The following MTUS1 variants were observed in gnomAD, a reference collection of about 807,000 sequenced individuals.
MTUS1 encodes microtubule-associated tumor suppressor 1.
A neutral mutation model predicts 120.8 loss-of-function variants in MTUS1; 109 were observed. The observed-to-expected ratio is 0.90, with a 90% CI of 0.77 to 1.06. The LOEUF is 1.06. Among genes scored for constraint, MTUS1 ranks in the 50% least tolerant of loss-of-function variants. MTUS1 has a pLI of 0.00. For missense variants in MTUS1, 2,210 were observed against 1,486.3 expected, an observed-to-expected ratio of 1.49 and a Z score of -8.01; for synonymous variants, 737 against 550.5, an observed-to-expected ratio of 1.34 and a Z score of -4.74.
intron 1 of MTUS1, among the ~76,000 whole-genome samples, chr8:17,783,369 C>G (rs1036174040): frequency 6.6e-6 from 1 of 152,128 alleles, no homozygotes; most frequent in Non-Finnish European, 1.5e-5. Flanking sequence ...CATGGACCAG[C>G]CAAGTTCCCT....
intron 1 of MTUS1, among the ~76,000 whole-genome samples, chr8:17,798,911 C>A (rs1281997373): frequency 2.6e-5 from 4 of 152,044 alleles, no homozygotes; most frequent in Non-Finnish European, 1.5e-5. Flanking sequence ...CATCAAATTT[C>A]AAAATGGAAA....
chr8:17,716,078 G>A (rs565670750), intron 4 of MTUS1, among the ~76,000 whole-genome samples, 177 bp from the exon 5 acceptor site: 62 of 152,292 alleles, frequency 4.1e-4, no homozygotes, highest in African/African-American at 1.3e-3. Flanking sequence ...TCAGGGATGC[G>A]AAATAAAGGC....
In MTUS1 at chr8:17,658,013, C is replaced by T. The variant is rs1231432626; in HGVS notation, c.2906-1948G>A. Reference sequence around the variant, plus strand: ...TAATACATATATACACATATATACACTATATATATAGACACACACACACAC... The same window carrying T: ...TAATACATATATACACATATATACATTATATATATAGACACACACACACAC... On this transcript the variant is annotated intron_variant, in intron 8 of 14. Transcript: ENST00000693296. 4.6e-5 allele frequency among the ~76,000 whole-genome samples: 4 copies of T among 87,352 alleles called. No individual in the cohort carries two copies. In the East Asian group the frequency reaches 9.6e-4, roughly 21 times the overall value. The allele number at this position is 87,352 out of a possible 152,430, so 57.3% of individuals were successfully genotyped here. A position where few individuals can be genotyped will look rare whatever the true frequency, so the allele number is the denominator to read the frequency against.
At chr8:17,776,687 A>AG (rs1332923082) in intron 1 of MTUS1, among the ~76,000 whole-genome samples, 1 of 149,790 alleles carries the variant, frequency 6.7e-6, no homozygotes, top group Non-Finnish European at 1.5e-5. Flanking sequence ...TCAAAAAAAA[A>AG]AAAAAAAAAA....
At chr8:17,685,721 G>C (rs375672244) in intron 6 of MTUS1, among the ~76,000 whole-genome samples, 2 of 152,228 alleles carry the variant, frequency 1.3e-5, no homozygotes, top group African/African-American at 4.8e-5. Context: ...ATTTTCTATG[G>C]CTGCATTACA....
intron 6 of MTUS1, among the ~76,000 whole-genome samples, chr8:17,689,992 A>C (rs1234682064): frequency 1.3e-5 from 2 of 152,244 alleles, no homozygotes. Flanking sequence ...CTAAGATCTC[A>C]AAAGCAAATG....
intron 8 of MTUS1, among the ~76,000 whole-genome samples, chr8:17,661,989 A>T (rs531625120): frequency 6.6e-6 from 1 of 152,178 alleles, no homozygotes; most frequent in South Asian, 2.1e-4. Flanking sequence ...TAAAGGATGC[A>T]CATGTAAACG....
chr8:17,723,904 A>C, intron 3 of MTUS1, 71 bp from the exon 4 acceptor site: 1 of 1,292,508 alleles, frequency 7.7e-7, no homozygotes, highest in African/African-American at 1.5e-5. Flanking sequence ...TTAAGCCTGT[A>C]AACTCAAACT....
chr8:17,723,654 G>C lies in MTUS1; in HGVS notation c.2449+18C>G. 3 of 1,601,600 alleles carry C rather than the reference G, an allele frequency of 1.9e-6. No individual in the cohort carries two copies. Among genetic ancestry groups the C allele is most frequent in the Non-Finnish European group, 2.6e-6 (3 of 1,169,136 alleles). On this transcript the variant is annotated intron_variant, in intron 4 of 14. Coordinates refer to ENST00000693296, the MANE Select transcript of MTUS1 (RefSeq NM_001363059.2). ...ACTGTTTCCACAACCCCCGAAGTGTGATATAAAGTCGACTTACAATTGTTG... is the reference window on the plus strand; with the variant it reads ...ACTGTTTCCACAACCCCCGAAGTGTCATATAAAGTCGACTTACAATTGTTG...
intron 1 of MTUS1, among the ~76,000 whole-genome samples, chr8:17,800,132 T>C (rs2052563388): frequency 6.6e-6 from 1 of 152,186 alleles, no homozygotes; most frequent in Non-Finnish European, 1.5e-5. Flanking sequence ...TATACCCTCC[T>C]TAAAGAGGTC....
At chr8:17,768,489 T>C (rs1031089444) in intron 1 of MTUS1, among the ~76,000 whole-genome samples, 1 of 151,732 alleles carries the variant, frequency 6.6e-6, no homozygotes, top group Non-Finnish European at 1.5e-5. Flanking sequence ...GAAAATCATA[T>C]ACAACAAAGA....
At chr8:17,738,656 C>A (rs910142473) in intron 3 of MTUS1, among the ~76,000 whole-genome samples, 1 of 152,100 alleles carries the variant, frequency 6.6e-6, no homozygotes, top group Non-Finnish European at 1.5e-5. Context: ...ACTTCACCTA[C>A]CAAACCATCA....
At chr8:17,721,992 AGGG>A in intron 4 of MTUS1, 1 of 1,376,390 alleles carries the variant, frequency 7.3e-7, no homozygotes, top group Non-Finnish European at 9.4e-7. Context: ...ATTCGAATGG[AGGG>A]AAAAAAAAAA....
chr8:17,799,194 T>C lies in MTUS1; in HGVS notation c.-155+1867A>G, dbSNP rs562771236. 1.1e-4 allele frequency among the ~76,000 whole-genome samples: 17 copies of C among 152,304 alleles called. No individual in the cohort carries two copies. The Middle Eastern group carries it at 0.01, about 91-fold the overall frequency. On this transcript the variant is annotated intron_variant, in intron 1 of 14. Coordinates refer to ENST00000693296, the MANE Select transcript of MTUS1 (RefSeq NM_001363059.2). ...AACTGTATTTCAAGGGCACTAAGGA[T>C]ATTAACCCTGCACATAAAGTTTTAA... is the stretch of plus-strand genomic sequence containing the variant.
At chr8:17,784,664 T>C (rs1010776912) in intron 1 of MTUS1, among the ~76,000 whole-genome samples, 4 of 152,200 alleles carry the variant, frequency 2.6e-5, no homozygotes, top group African/African-American at 9.7e-5. Flanking sequence ...AAGAGAGGAA[T>C]GTATACAATA....
At chr8:17,729,388 T>A (rs574105620) in intron 3 of MTUS1, among the ~76,000 whole-genome samples, 58 of 152,184 alleles carry the variant, frequency 3.8e-4, no homozygotes, top group Non-Finnish European at 7.9e-4. Flanking sequence ...AGTATCACTG[T>A]ATAAATATTA....
At chr8:17,659,603 C>T (rs1354104473) in intron 8 of MTUS1, among the ~76,000 whole-genome samples, 1 of 152,082 alleles carries the variant, frequency 6.6e-6, no homozygotes, top group Non-Finnish European at 1.5e-5. Context: ...CTGAGTGAGG[C>T]AGGAGAATCG....
chr8:17,760,813 A>C (rs1166963892), intron 1 of MTUS1, among the ~76,000 whole-genome samples: 1 of 152,066 alleles, frequency 6.6e-6, no homozygotes, highest in Non-Finnish European at 1.5e-5. Context: ...AGGGAAAAAA[A>C]AAAAAAAAAC....
chr8:17,774,585 G>A (rs926401981), intron 1 of MTUS1, among the ~76,000 whole-genome samples: 4 of 152,118 alleles, frequency 2.6e-5, no homozygotes, highest in Non-Finnish European at 5.9e-5. Context: ...GGACACCTAT[G>A]ATCAAAATGC....
Sources: gnomAD v4.1 joint callset for allele counts (sites outside exome capture counted in the v4.1 genomes callset) on GRCh38, gnomAD v4.1.1 for gene constraint, MANE v1.5 for transcripts, NCBI Gene and HGNC (gene_info 2026-07-23, HGNC 2026-07-21) for gene names.